AHCTF1: variants seen among roughly 807,000 people sequenced by gnomAD.
The protein encoded by AHCTF1 is protein ELYS.
A neutral mutation model predicts 248.4 loss-of-function variants in AHCTF1; 24 were observed. The ratio of observed to expected loss-of-function variants is 0.10; its 90% confidence interval spans 0.07 to 0.14. The LOEUF (loss-of-function observed/expected upper bound fraction) is 0.14. Among genes scored for constraint, AHCTF1 ranks in the 10% least tolerant of loss-of-function variants. The pLI, the probability that AHCTF1 is intolerant of heterozygous loss-of-function variation, is 1.00. For missense variants in AHCTF1, 2,206 were observed against 2,636.2 expected, an observed-to-expected ratio of 0.84 and a Z score of 3.57; for synonymous variants, 786 against 929.8, an observed-to-expected ratio of 0.85 and a Z score of 2.81.
At position 246,867,901 on chromosome 1, in the gene AHCTF1, C is replaced by CA. The variant is rs1553291133; in HGVS notation, c.3089-91_3089-90insT. Reference sequence around the variant, plus strand: ...TGAAAGAATGATTACACCCCCCCCCCCACACACACACACACACACATTACG... The same window carrying CA: ...TGAAAGAATGATTACACCCCCCCCCCACACACACACACACACACACATTACG... On this transcript the variant is annotated intron_variant, in intron 24 of 35. Coordinates refer to ENST00000648844, the MANE Select transcript of AHCTF1 (RefSeq NM_001323342.2). The CA allele has an allele frequency of 5.0e-3, 1,566 of 312,758 alleles. 13 individuals carry two copies. The highest frequency in any genetic ancestry group is 5.7e-3 in the Non-Finnish European group (1,145 of 201,644). The allele number at this position is 312,758 out of a possible 1,614,324, so 19.4% of individuals were successfully genotyped here.
At chr1:246,931,148 A>C (rs751414007) in intron 1 of AHCTF1, 15 of 1,550,010 alleles carry the variant, frequency 9.7e-6, no homozygotes, top group South Asian at 1.2e-5. Flanking sequence ...GCCCAAGCGC[A>C]TGTGGAACAC....
rs773454962 is a variant in AHCTF1, at chr1:246,857,739, G to A, written c.4208C>T (p.Pro1403Leu). 16 of 1,613,660 alleles carry A rather than the reference G, an allele frequency of 9.9e-6. No homozygotes were observed. Among genetic ancestry groups the A allele is most frequent in the East Asian group, 6.7e-5 (3 of 44,876 alleles). The change falls in exon 30 of 36, where the codon CCG becomes CTG. Residue 1403 changes from proline to leucine, a missense_variant. Physicochemically the swap from Pro to Leu is moderately conservative, Grantham distance 98. Coordinates refer to ENST00000648844, the MANE Select transcript of AHCTF1 (RefSeq NM_001323342.2). The stretch of plus-strand genomic sequence containing the variant: ...AAGAGAAGCTTCAGTTCCTTGAACC[G>A]GGCTTAAGTGATTCAATTCTGAAAA... ...EAFSELNHLS[P>L]VQGTEASLCA...
At chr1:246,886,634 C>T (rs1558248360) in intron 20 of AHCTF1, among the ~76,000 whole-genome samples, 2 of 152,044 alleles carry the variant, frequency 1.3e-5, no homozygotes, top group Non-Finnish European at 2.9e-5. Flanking sequence ...ATTGAAGCCA[C>T]GGATGTAGAA....
In AHCTF1 at chr1:246,850,085, C is replaced by T. The variant is rs373338270; in HGVS notation, c.5921G>A (p.Arg1974His). 45 of 1,613,932 alleles carry T rather than the reference C, an allele frequency of 2.8e-5. No homozygotes were observed. The East Asian group carries it at 4.5e-4, about 16-fold the overall frequency. The change falls in exon 33 of 36, where the codon CGT becomes CAT. Residue 1974 changes from arginine (R) to histidine (H), a missense_variant. By Grantham distance (29) the Arg-to-His change is conservative (BLOSUM62 0). Coordinates refer to ENST00000648844, the MANE Select transcript of AHCTF1 (RefSeq NM_001323342.2). Reference protein sequence around the residue: ...EFDMSAIPRKRGRPRKINPSE... With the variant: ...EFDMSAIPRKHGRPRKINPSE... ...TGGATTGATTTTTCTTGGTCTACCA[C>T]GTTTTCTAGGTATGGCAGACATATC...
chr1:246,927,083 A>C (rs1377717709), intron 1 of AHCTF1, among the ~76,000 whole-genome samples: 3 of 150,282 alleles, frequency 2.0e-5, no homozygotes, highest in South Asian at 2.1e-4. Context: ...GAGGCTGAGG[A>C]GGGAGAATGG....
rs1384471824 is a variant in AHCTF1 at position 246,900,101 on chromosome 1, G to A, written c.1396C>T (p.Pro466Ser). 1.2e-6 allele frequency: 2 copies of A among 1,606,316 alleles called. No homozygotes were observed. Among genetic ancestry groups the A allele is most frequent in the Non-Finnish European group, 1.7e-6 (2 of 1,178,684 alleles). Residue 466 changes from proline to serine, a missense_variant, in exon 10 of 36, where the codon CCC becomes TCC. By Grantham distance (74) the Pro-to-Ser change is moderately conservative (BLOSUM62 -1). Coordinates refer to ENST00000648844, the MANE Select transcript of AHCTF1 (RefSeq NM_001323342.2). The stretch of plus-strand genomic sequence containing the variant: ...GTGCTTGGATTAAAAAACTGCTCGG[G>A]AGGTGGATATGAAGGAGGGACTCCT... ...NRGVPPSYPP[P>S]EQFFNPSTYN...
intron 13 of AHCTF1, among the ~76,000 whole-genome samples, chr1:246,895,221 A>G (rs1664488044): frequency 6.6e-6 from 1 of 152,194 alleles, no homozygotes; most frequent in South Asian, 2.1e-4. Flanking sequence ...TAAGGTCTCT[A>G]GGTTAGATAA....
intron 29 of AHCTF1, among the ~76,000 whole-genome samples, chr1:246,859,701 G>A (rs972142838): frequency 6.6e-6 from 1 of 152,076 alleles, no homozygotes; most frequent in Non-Finnish European, 1.5e-5. Flanking sequence ...TCAGTGTCCT[G>A]AGTAGCTAGG....
At chr1:246,922,798 C>A (rs376474185) in intron 1 of AHCTF1, among the ~76,000 whole-genome samples, 42 of 150,646 alleles carry the variant, frequency 2.8e-4, no homozygotes, top group Non-Finnish European at 4.6e-4. Flanking sequence ...CTGGATAACA[C>A]GGTGAAACCC....
intron 27 of AHCTF1, among the ~76,000 whole-genome samples, chr1:246,862,497 C>T (rs1661643118): frequency 6.6e-6 from 1 of 151,504 alleles, no homozygotes; most frequent in South Asian, 2.1e-4. Flanking sequence ...AAAAAAAGTG[C>T]TTATATAAAA....
In AHCTF1 at chr1:246,905,660, G is replaced by A; in HGVS notation, c.765-3C>T. The A allele has an allele frequency of 6.3e-7, 1 of 1,588,144 alleles. No homozygotes were observed. The highest frequency in any genetic ancestry group is 8.6e-7 in the Non-Finnish European group (1 of 1,156,854). On this transcript the variant is annotated splice_region_variant and splice_polypyrimidine_tract_variant and intron_variant, in intron 5 of 35. Transcript: ENST00000648844. ...CACTTTCCAATTGTATGTAATATCT[G>A]AAACAAATTAGTATATTTCATATTT... is the stretch of plus-strand genomic sequence containing the variant.
intron 35 of AHCTF1, 34 bp downstream of exon 35, chr1:246,842,660 A>G: frequency 6.3e-7 from 1 of 1,576,182 alleles, no homozygotes; most frequent in South Asian, 1.1e-5. Context: ...GTCTCAATCA[A>G]TCAATCAATC....
intron 26 of AHCTF1, among the ~76,000 whole-genome samples, chr1:246,865,598 C>A (rs1176870187): frequency 1.3e-5 from 2 of 152,124 alleles, no homozygotes; most frequent in Non-Finnish European, 2.9e-5. Flanking sequence ...ACTGAGCTAT[C>A]CCAAAGGAAC....
At chr1:246,844,806 T>C (rs927161160) in intron 33 of AHCTF1, among the ~76,000 whole-genome samples, 4 of 68,970 alleles carry the variant, frequency 5.8e-5, no homozygotes, top group African/African-American at 1.7e-4. Flanking sequence ...CCACACAGAC[T>C]TTTTTTTTTT....
chr1:246,920,132 C>T (rs1318688233), intron 1 of AHCTF1, among the ~76,000 whole-genome samples: 2 of 119,660 alleles, frequency 1.7e-5, no homozygotes, highest in Non-Finnish European at 3.3e-5. Context: ...CAGTGAGACT[C>T]TGTCCCCCGC....
intron 1 of AHCTF1, among the ~76,000 whole-genome samples, chr1:246,926,427 G>A (rs1572479951): frequency 6.6e-6 from 1 of 152,152 alleles, no homozygotes; most frequent in Admixed American, 6.5e-5. Flanking sequence ...TCATCATGGT[G>A]CCTAGCACAA....
chr1:246,911,820 T>C (rs1665826152), intron 4 of AHCTF1, among the ~76,000 whole-genome samples: 1 of 152,034 alleles, frequency 6.6e-6, no homozygotes, highest in East Asian at 1.9e-4. Context: ...TGTATGACCA[T>C]TATTTCTGCC....
chr1:246,930,999 T>A (rs1453639923), intron 1 of AHCTF1: 4 of 1,302,058 alleles, frequency 3.1e-6, no homozygotes, highest in Non-Finnish European at 4.1e-6. Flanking sequence ...GTTTCCCAGG[T>A]AGGAAAAAGG....
chr1:246,864,607 G>A (rs545410452), intron 26 of AHCTF1, among the ~76,000 whole-genome samples: 1 of 22,004 alleles, frequency 4.5e-5, no homozygotes, highest in Non-Finnish European at 6.5e-5. Context: ...AGGCCGAGGC[G>A]GGTGGATCAT....
Sources: allele counts gnomAD v4.1 joint callset (sites outside exome capture counted in the v4.1 genomes callset), GRCh38; gene constraint gnomAD v4.1.1; transcripts MANE v1.5; gene names NCBI Gene and HGNC (gene_info 2026-07-23, HGNC 2026-07-21).